The following LAMB2 variants were observed in gnomAD, a reference collection of about 807,000 sequenced individuals.
The protein encoded by LAMB2 is laminin subunit beta-2.
Under a neutral mutation model 202.7 loss-of-function variants are expected in LAMB2, and 119 were observed. The observed-to-expected ratio is 0.59, with a 90% CI of 0.51 to 0.68. LAMB2 has a LOEUF of 0.68. Among genes scored for constraint, LAMB2 ranks in the 30% least tolerant of loss-of-function variants. The probability of loss-of-function intolerance (pLI) is 0.00; values close to 1 mark genes in which losing one functional copy is unlikely to be tolerated. For synonymous variants in LAMB2, 818 were observed against 902.2 expected (o/e 0.91, Z 1.67); for missense variants, 2,124 against 2,410.6 (o/e 0.88, Z 2.49).
rs140371771 is a variant in LAMB2 at position 49,132,402 on chromosome 3, C to T, written c.253G>A (p.Glu85Lys). ...GAGTCACAAAGGAAGCACTTCTTTT[C>T]GTCCTGGGTTGGATGGGGATTAGAA... is the stretch of plus-strand genomic sequence containing the variant. ...PYCIVSHLQD[E>K]KKCFLCDSRR... Residue 85 changes from glutamate to lysine, a missense_variant, in exon 3 of 32, where the codon GAA becomes AAA. By Grantham distance (56) the Glu-to-Lys change is moderately conservative. Transcript: ENST00000305544. This position sits in a 1 kb window ranked among gnomAD's most constrained non-coding sequence, Gnocchi z 4.6. 2.2e-4 allele frequency: 351 copies of T among 1,614,164 alleles called. No homozygotes were observed. Among genetic ancestry groups the T allele is most frequent in the Middle Eastern group, 9.9e-4 (6 of 6,062 alleles).
rs769926920 is a variant in LAMB2 at position 49,132,609 on chromosome 3, C to G, written c.131G>C (p.Arg44Thr). The change falls in exon 2 of 32, where the codon AGG (arginine) becomes ACG (threonine). Residue 44 changes from arginine (R) to threonine (T), a missense_variant. By Grantham distance (71) the Arg-to-Thr change is moderately conservative. Transcript: ENST00000305544. The surrounding 1 kb of genome is among the most constrained non-coding windows in gnomAD (Gnocchi z 4.6). ...APAPDVPGCSRGSCYPATGDL... is the reference protein window; with the variant it reads ...APAPDVPGCSTGSCYPATGDL... ...GCCCGTGGCGGGGTAGCAGCTTCCCCTGGAACAGCCAGGCACATCCGGGGC... is the reference window on the plus strand; with the variant it reads ...GCCCGTGGCGGGGTAGCAGCTTCCCGTGGAACAGCCAGGCACATCCGGGGC... 1 of 1,613,838 alleles carries G rather than the reference C, an allele frequency of 6.2e-7. No individual in the cohort carries two copies. Among genetic ancestry groups the G allele is most frequent in the Admixed American group, 1.7e-5 (1 of 60,028 alleles).
In LAMB2 at chr3:49,129,623, C is replaced by G. The variant is rs759499306; in HGVS notation, c.1499G>C (p.Arg500Pro). Residue 500 changes from arginine to proline, a missense_variant, in exon 11 of 32, where the codon CGT (arginine) becomes CCT (proline). This residue lies in a region of LAMB2 where 1,702 missense variants were observed against 1,896.3 expected (regional missense o/e 0.90). Transcript: ENST00000305544. The surrounding 1 kb of genome is among the most constrained non-coding windows in gnomAD (Gnocchi z 6.1). ...SCYCKRLVTG[R>P]GCDRCLPGHW... ...TCGCACCAGGCAGCGGTCACATCCA[C>G]GTCCAGTCACTAGACGTTTGCAGTA... The G allele has an allele frequency of 3.1e-6, 5 of 1,613,900 alleles. No homozygotes were observed. Among genetic ancestry groups the G allele is most frequent in the Non-Finnish European group, 4.2e-6 (5 of 1,179,768 alleles).
chr3:49,132,460 A>G lies in LAMB2; in HGVS notation c.249+31T>C, dbSNP rs1310533925. 1 of 1,614,096 alleles carries G rather than the reference A, an allele frequency of 6.2e-7. No individual in the cohort carries two copies. On this transcript the variant is annotated intron_variant, in intron 2 of 31. Coordinates refer to ENST00000305544, the MANE Select transcript of LAMB2 (RefSeq NM_002292.4). The surrounding 1 kb of genome is among the most constrained non-coding windows in gnomAD (Gnocchi z 4.6). ...CTCAGGCAGTGCCAGCCCCACCCTG[A>G]CTCGGCGTCACACCCTGTCCCCAGC...
Position 49,133,019 on chromosome 3 carries a change from C to A in LAMB2, c.-152G>T. On this transcript the variant is annotated 5_prime_UTR_variant, in exon 1 of 32. The change creates a new upstream start codon in the 5' untranslated region. Transcript: ENST00000305544. ...AGTTCCCAGGTCTGTCCAGCGGTCC[C>A]TCCGACAGCTTAGAGTCCAGCGACT... is the stretch of plus-strand genomic sequence containing the variant. 1 of 681,996 alleles carries A rather than the reference C, an allele frequency of 1.5e-6. No homozygotes were observed. The allele number at this position is 681,996 out of a possible 1,614,324, so 42.2% of individuals were successfully genotyped here.
Position 49,121,720 on chromosome 3 carries a change from T to C in LAMB2, c.5064A>G (p.Ala1688=). ...SLAASTAEET[A]GSAQGRAQEA... ...CCTGGGCACGACCCTGGGCACTGCC[T>C]GCCGTTTCTTCTGCTGTAGAGGCTG... The change falls in exon 30 of 32, where the codon GCA becomes GCG. Residue 1688 remains alanine (A), a synonymous_variant. Transcript: ENST00000305544. 1 of 1,613,968 alleles carries C rather than the reference T, an allele frequency of 6.2e-7. No individual in the cohort carries two copies. Among genetic ancestry groups the C allele is most frequent in the Non-Finnish European group, 8.5e-7 (1 of 1,180,018 alleles).
rs2045485537 is a variant in LAMB2 at position 49,131,825 on chromosome 3, CAG to C, written c.460-104_460-103del. ...CCCAAGACTGCCCTCAAATAGCTCA[CAG>C]AGAGTGGGGGTGACTGGTGGAAGCC... is the stretch of plus-strand genomic sequence containing the variant. On this transcript the variant is annotated intron_variant, in intron 4 of 31. Transcript: ENST00000305544. The surrounding 1 kb of genome is among the most constrained non-coding windows in gnomAD (Gnocchi z 5.0). 4.7e-6 allele frequency: 6 copies of C among 1,274,230 alleles called. No individual in the cohort carries two copies. In the Admixed American group the frequency reaches 1.2e-4, roughly 25 times the overall value. 78.9% of individuals were successfully genotyped at this position (1,274,230 alleles called of 1,614,324 possible). A position where few individuals can be genotyped will look rare whatever the true frequency, so the allele number is the denominator to read the frequency against.
In LAMB2 at chr3:49,128,517, C is replaced by G. The variant is rs926217476; in HGVS notation, c.1959G>C (p.Leu653=). The change falls in exon 15 of 32, where the codon CTG becomes CTC. Residue 653 remains leucine (L), a synonymous_variant. Transcript: ENST00000305544. The part of the protein sequence containing the change: ...QRPGPVPAHS[L]CGHLVPKDDR... Reference sequence around the variant, plus strand: ...CATCCTTGGGCACCAAATGCCCACACAGGCTGTGGGCAGGCACAGGCCCTG... The same window carrying G: ...CATCCTTGGGCACCAAATGCCCACAGAGGCTGTGGGCAGGCACAGGCCCTG... The G allele has an allele frequency of 3.7e-6, 6 of 1,614,050 alleles. No individual in the cohort carries two copies. The highest frequency in any genetic ancestry group is 1.7e-5 in the Admixed American group (1 of 60,014).
rs2045480921 is a variant in LAMB2 at position 49,131,445 on chromosome 3, G to A, written c.649-3C>T. Reference sequence around the variant, plus strand: ...GGGTCCAGCACACGATAGATGACCTGGAGAAGCAGGGAGTTCATAGTCACA... The same window carrying A: ...GGGTCCAGCACACGATAGATGACCTAGAGAAGCAGGGAGTTCATAGTCACA... On this transcript the variant is annotated splice_region_variant and splice_polypyrimidine_tract_variant and intron_variant, in intron 5 of 31. Coordinates refer to ENST00000305544, the MANE Select transcript of LAMB2 (RefSeq NM_002292.4). This position sits in a 1 kb window ranked among gnomAD's most constrained non-coding sequence, Gnocchi z 5.0. 6.2e-7 allele frequency: 1 copy of A among 1,614,112 alleles called. No homozygotes were observed. The highest frequency in any genetic ancestry group is 8.5e-7 in the Non-Finnish European group (1 of 1,180,014).
rs780491682 is a variant in LAMB2, at chr3:49,122,329, G to A, written c.4615C>T (p.Arg1539Trp). The change falls in exon 28 of 32, where the codon CGG becomes TGG. Residue 1539 changes from arginine to tryptophan, a missense_variant. Transcript: ENST00000305544. ...GCTGGGATGGAGAGCTCTAGCACCCGTGTGGCCACCATTTCAATGCTATCA... is the reference window on the plus strand; with the variant it reads ...GCTGGGATGGAGAGCTCTAGCACCCATGTGGCCACCATTTCAATGCTATCA... The part of the protein sequence containing the change: ...DPDSIEMVAT[R>W]VLELSIPASA... 4.3e-6 allele frequency: 7 copies of A among 1,613,276 alleles called. No homozygotes were observed. Among genetic ancestry groups the A allele is most frequent in the East Asian group, 2.2e-5 (1 of 44,900 alleles).
Position 49,126,453 on chromosome 3 carries a change from G to C in LAMB2, c.2063C>G (p.Ser688Cys). Residue 688 changes from serine to cysteine, a missense_variant, in exon 16 of 32, where the codon TCC (serine) becomes TGC (cysteine). Around this residue, in one of 3 missense-constraint regions of LAMB2, gnomAD observed 1,702 missense variants for 1,896.3 expected, o/e 0.90. Coordinates refer to ENST00000305544, the MANE Select transcript of LAMB2 (RefSeq NM_002292.4). ...PNPVCLEPGI[S>C]YKLHLKLVRT... is the part of the protein sequence containing the mutation. Reference sequence around the variant, plus strand: ...TACCAGCTTCAGATGCAGCTTGTAGGAGATACCAGGCTCAAGGCAGACAGG... The same window carrying C: ...TACCAGCTTCAGATGCAGCTTGTAGCAGATACCAGGCTCAAGGCAGACAGG... 6.2e-7 allele frequency: 1 copy of C among 1,614,178 alleles called. No homozygotes were observed.
Position 49,125,324 on chromosome 3 carries a change from T to C in LAMB2, c.2649A>G (p.Ala883=). The C allele has an allele frequency of 6.2e-7, 1 of 1,614,094 alleles. No homozygotes were observed. The highest frequency in any genetic ancestry group is 2.2e-5 in the East Asian group (1 of 44,892). ...CGCCTGTGTGGGTGTTGCACTCATC[T>C]GCATGCCCATTGCAGACACATGGCC... ...SCRPCVCNGH[A]DECNTHTGAC... is the part of the protein sequence containing the mutation. Residue 883 remains alanine (A), a synonymous_variant, in exon 19 of 32, where the codon GCA becomes GCG. Coordinates refer to ENST00000305544, the MANE Select transcript of LAMB2 (RefSeq NM_002292.4).
chr3:49,121,449 C>T lies in LAMB2; in HGVS notation c.5244G>A (p.Lys1748=), dbSNP rs2107623089. The T allele has an allele frequency of 1.2e-6, 2 of 1,614,064 alleles. No homozygotes were observed. Among genetic ancestry groups the T allele is most frequent in the Non-Finnish European group, 1.7e-6 (2 of 1,180,028 alleles). Residue 1748 remains lysine (K), a synonymous_variant, in exon 31 of 32, where the codon AAG becomes AAA. Transcript: ENST00000305544. Reference sequence around the variant, plus strand: ...ATTTCTTACCCTGTAGCCGCTGCAGCTTGTCCTGAGCGGCTTGCAACAGGT... The same window carrying T: ...ATTTCTTACCCTGTAGCCGCTGCAGTTTGTCCTGAGCGGCTTGCAACAGGT... ...ARDLLQAAQD[K]LQRLQELEGT... is the part of the protein sequence containing the mutation.
intron 15 of LAMB2, among the ~76,000 whole-genome samples, chr3:49,127,227 C>G (rs2045424817): frequency 6.6e-6 from 1 of 152,254 alleles, no homozygotes; most frequent in Non-Finnish European, 1.5e-5. Flanking sequence ...CTCAAGTGAT[C>G]CTCCTGCCTC....
Position 49,132,972 on chromosome 3 carries a change from G to A in LAMB2, c.-105C>T, listed in dbSNP as rs745900151. ...AACTCTGCCTGTGGGTCTTTGGCCT[G>A]TTTCCCTCCAGGCCCTCTGTCAGTT... On this transcript the variant is annotated 5_prime_UTR_variant, in exon 1 of 32. Coordinates refer to ENST00000305544, the MANE Select transcript of LAMB2 (RefSeq NM_002292.4). This position sits in a 1 kb window ranked among gnomAD's most constrained non-coding sequence, Gnocchi z 4.6. 9.9e-7 allele frequency: 1 copy of A among 1,011,032 alleles called. No homozygotes were observed. The highest frequency in any genetic ancestry group is 2.5e-5 in the East Asian group (1 of 40,226). The allele number at this position is 1,011,032 out of a possible 1,614,324, so 62.6% of individuals were successfully genotyped here.
At chr3:49,124,672 C>T in intron 21 of LAMB2, 29 bp downstream of exon 21, 2 of 1,613,850 alleles carry the variant, frequency 1.2e-6, no homozygotes, top group South Asian at 2.2e-5. Context: ...AACCCCAATT[C>T]AGCCATGCCC....
rs150064487 is a variant in LAMB2, at chr3:49,123,207, G to A, written c.4149C>T (p.His1383=). Residue 1383 remains histidine, a synonymous_variant, in exon 26 of 32, where the codon CAC becomes CAT. Transcript: ENST00000305544. The part of the protein sequence containing the change: ...DAQKEDFNSK[H]MANQRALGKL... ...TGCCAAGTGCCCGCTGGTTGGCCAT[G>A]TGTTTGCTGTTGAAGTCCTCCTTCT... 13 of 1,613,986 alleles carry A rather than the reference G, an allele frequency of 8.1e-6. No homozygotes were observed. Among genetic ancestry groups the A allele is most frequent in the Non-Finnish European group, 1.0e-5 (12 of 1,180,046 alleles).
At position 49,132,930 on chromosome 3, in the gene LAMB2, C is replaced by T. The variant is rs1168134006; in HGVS notation, c.-63G>A. 3 of 1,472,636 alleles carry T rather than the reference C, an allele frequency of 2.0e-6. No homozygotes were observed. Among genetic ancestry groups the T allele is most frequent in the Non-Finnish European group, 2.8e-6 (3 of 1,052,932 alleles). 91.2% of individuals were successfully genotyped at this position (1,472,636 alleles called of 1,614,324 possible). A position where few individuals can be genotyped will look rare whatever the true frequency, so the allele number is the denominator to read the frequency against. On this transcript the variant is annotated 5_prime_UTR_variant, in exon 1 of 32. Transcript: ENST00000305544. The surrounding 1 kb of genome is among the most constrained non-coding windows in gnomAD (Gnocchi z 4.6). ...TCTCGGGCCCGAGCCCTCCTCCTTG[C>T]TTTGGGGTTCCGTGTCAACTCTGCC...
In LAMB2 at chr3:49,129,041, C is replaced by T. The variant is rs768787998; in HGVS notation, c.1710G>A (p.Glu570=). The T allele has an allele frequency of 1.9e-6, 3 of 1,611,408 alleles. No individual in the cohort carries two copies. Among genetic ancestry groups the T allele is most frequent in the Non-Finnish European group, 2.5e-6 (3 of 1,180,026 alleles). The change falls in exon 13 of 32, where the codon GAG becomes GAA. Residue 570 remains glutamate, a synonymous_variant. Coordinates refer to ENST00000305544, the MANE Select transcript of LAMB2 (RefSeq NM_002292.4). This position sits in a 1 kb window ranked among gnomAD's most constrained non-coding sequence, Gnocchi z 6.1. ...FRPFLDHLIW[E]AEDTRGQVLD... is the part of the protein sequence containing the mutation. Reference sequence around the variant, plus strand: ...ACACCTGCCCTCGGGTGTCCTCAGCCTCCCAAATTAGGTGGTCCAGGAAGG... The same window carrying T: ...ACACCTGCCCTCGGGTGTCCTCAGCTTCCCAAATTAGGTGGTCCAGGAAGG...
chr3:49,125,687 G>A lies in LAMB2; in HGVS notation c.2488+60C>T. On this transcript the variant is annotated intron_variant, in intron 18 of 31. Transcript: ENST00000305544. ...ACCAGCAGCAGGTCCAGAAGGAGGA[G>A]AGAGAACAGTAATGGGAAGGAGAGA... 2.5e-6 allele frequency: 4 copies of A among 1,593,704 alleles called. 1 individual carries two copies. In the South Asian group the frequency reaches 4.5e-5, roughly 18 times the overall value.
Sources: gnomAD v4.1 joint callset for allele counts (sites outside exome capture counted in the v4.1 genomes callset) on GRCh38, gnomAD v4.1.1 for gene constraint, gnomAD v4.1.1 regional missense constraint, Gnocchi (gnomAD v3.1) non-coding constraint, MANE v1.5 for transcripts, NCBI Gene and HGNC (gene_info 2026-07-23, HGNC 2026-07-21) for gene names.